CSPP1: variants seen among roughly 807,000 people sequenced by gnomAD.
The protein encoded by CSPP1 is centrosome and spindle pole associated protein 1.
In CSPP1, 126 loss-of-function variants were observed where a neutral mutation model predicts 164.4. The observed-to-expected ratio is 0.77, with a 90% CI of 0.66 to 0.89. The LOEUF (loss-of-function observed/expected upper bound fraction) is 0.89, where lower values mean the gene tolerates loss of function less well. Among genes scored for constraint, CSPP1 ranks in the 40% least tolerant of loss-of-function variants. The probability of loss-of-function intolerance (pLI) is 0.00; values close to 1 mark genes in which losing one functional copy is unlikely to be tolerated. For missense variants in CSPP1, 1,395 were observed against 1,449.8 expected (o/e 0.96, Z 0.61); for synonymous variants, 472 against 476.7 (o/e 0.99, Z 0.13).
At chr8:67,131,021 G>C (rs985043151) in intron 15 of CSPP1, among the ~76,000 whole-genome samples, 9 of 152,024 alleles carry the variant, frequency 5.9e-5, no homozygotes, top group African/African-American at 2.2e-4. Context: ...TATAAAATCA[G>C]TATTTGAATT....
intron 26 of CSPP1, among the ~76,000 whole-genome samples, chr8:67,176,236 T>C (rs1322445316): frequency 6.6e-6 from 1 of 152,046 alleles, no homozygotes; most frequent in Non-Finnish European, 1.5e-5. Context: ...AAATGAGTAA[T>C]GAAAACCCAA....
chr8:67,079,891 C>CA (rs1808785214), intron 3 of CSPP1, among the ~76,000 whole-genome samples: 1 of 152,204 alleles, frequency 6.6e-6, no homozygotes, highest in Non-Finnish European at 1.5e-5. Context: ...TGTTTTAAAC[C>CA]AACGGGTTAA....
At chr8:67,158,959 A>G in intron 20 of CSPP1, 32 bp from the exon 21 acceptor site, 1 of 1,528,164 alleles carries the variant, frequency 6.5e-7, no homozygotes, top group Non-Finnish European at 8.9e-7. Context: ...GAAGGAATAT[A>G]TGGAATGCAT....
At chr8:67,101,952 A>T (rs1814214230) in intron 7 of CSPP1, among the ~76,000 whole-genome samples, 1 of 152,218 alleles carries the variant, frequency 6.6e-6, no homozygotes, top group Admixed American at 6.5e-5. Context: ...ATTTTCACGG[A>T]TGCCAATAAG....
At position 67,064,495 on chromosome 8, in the gene CSPP1, G is replaced by A. The variant is rs1313866790; in HGVS notation, c.-54G>A. On this transcript the variant is annotated 5_prime_UTR_variant, in exon 1 of 31. Transcript: ENST00000678616. ...TCCCCGGACGCGAGCCCGCTCCCCTGAGTAAGAGTCAGCCAGCCGCGGATG... is the reference window on the plus strand; with the variant it reads ...TCCCCGGACGCGAGCCCGCTCCCCTAAGTAAGAGTCAGCCAGCCGCGGATG... 1 of 1,613,608 alleles carries A rather than the reference G, an allele frequency of 6.2e-7. No homozygotes were observed. Among genetic ancestry groups the A allele is most frequent in the Non-Finnish European group, 8.5e-7 (1 of 1,179,884 alleles).
At chr8:67,177,585 G>A (rs1831999744) in intron 26 of CSPP1, 95 bp from the exon 27 acceptor site, 2 of 764,470 alleles carry the variant, frequency 2.6e-6, no homozygotes, top group Non-Finnish European at 4.5e-6. Flanking sequence ...GTAATTTCCA[G>A]TAGAGAGCTA....
rs1396391074 is a variant in CSPP1, at chr8:67,095,551, A to G, written c.742A>G (p.Arg248Gly). ...EVGISNLKHQ[R>G]FASKAGIPDR... The stretch of plus-strand genomic sequence containing the variant: ...GGGCATTTCCAACCTAAAACATCAA[A>G]GGTTTGCAAGCAAGGCTGGCATTCC... The change falls in exon 7 of 31, where the codon AGG becomes GGG. Residue 248 changes from arginine (R) to glycine (G), a missense_variant. By Grantham distance (125) the Arg-to-Gly change is moderately radical (BLOSUM62 -2). Coordinates refer to ENST00000678616, the MANE Select transcript of CSPP1 (RefSeq NM_001382391.1). 1 of 1,613,914 alleles carries G rather than the reference A, an allele frequency of 6.2e-7. No individual in the cohort carries two copies. The highest frequency in any genetic ancestry group is 1.7e-5 in the Admixed American group (1 of 59,996).
intron 3 of CSPP1, among the ~76,000 whole-genome samples, chr8:67,078,858 A>G (rs1808518185): frequency 6.6e-6 from 1 of 152,092 alleles, no homozygotes; most frequent in African/African-American, 2.4e-5. Context: ...CTATAATCCT[A>G]GCTACTTGGG....
intron 15 of CSPP1, among the ~76,000 whole-genome samples, chr8:67,119,855 G>A (rs1818648184): frequency 6.6e-6 from 1 of 151,984 alleles, no homozygotes; most frequent in South Asian, 2.1e-4. Context: ...GCCTTTTGAT[G>A]CACAAAATTC....
In CSPP1 at chr8:67,195,715, T is replaced by TAAAA. The variant is rs1176090665; in HGVS notation, c.*123_*126dup. On this transcript the variant is annotated 3_prime_UTR_variant, in exon 31 of 31. Transcript: ENST00000678616. ...TTACTTTTTTTCCATCATCTGTATA[T>TAAAA]AAAATTATTTTTATCATGATGTATA... 1.4e-6 allele frequency: 1 copy of TAAAA among 696,726 alleles called. No individual in the cohort carries two copies. The highest frequency in any genetic ancestry group is 2.9e-5 in the Admixed American group (1 of 34,878). 43.2% of individuals were successfully genotyped at this position (696,726 alleles called of 1,614,324 possible).
intron 9 of CSPP1, among the ~76,000 whole-genome samples, chr8:67,110,331 T>G (rs1299076450): frequency 6.6e-6 from 1 of 152,142 alleles, no homozygotes; most frequent in South Asian, 2.1e-4. Context: ...GCTAAGGACC[T>G]CTAGAGTAGC....
intron 7 of CSPP1, among the ~76,000 whole-genome samples, chr8:67,099,763 A>G (rs1485096229): frequency 6.6e-6 from 1 of 152,158 alleles, no homozygotes; most frequent in African/African-American, 2.4e-5. Flanking sequence ...TGCTAAATTT[A>G]TTAGAAATAT....
chr8:67,091,214 G>A (rs907212907), intron 4 of CSPP1, among the ~76,000 whole-genome samples: 2 of 152,186 alleles, frequency 1.3e-5, no homozygotes. Context: ...CAACTGATAA[G>A]TGCTTGGGCT....
chr8:67,084,111 G>C (rs1022623170), intron 3 of CSPP1: 1 of 151,988 alleles, frequency 6.6e-6, no homozygotes, highest in African/African-American at 2.4e-5. Flanking sequence ...CTCTCCTTAG[G>C]CTTAAATTCT....
In CSPP1 at chr8:67,158,526, C is replaced by CA. The variant is rs746141672; in HGVS notation, c.2322dup (p.Glu775ArgfsTer11). 6.2e-7 allele frequency: 1 copy of CA among 1,612,132 alleles called. No individual in the cohort carries two copies. The highest frequency in any genetic ancestry group is 8.5e-7 in the Non-Finnish European group (1 of 1,178,874). ...GAAGAAAAAGAAGAAAGACGGCTTG[C>CA]AGAACAGAGGGCACGAATTCAGCAG... On this transcript the variant is annotated frameshift_variant, in exon 20 of 31. Coordinates refer to ENST00000678616, the MANE Select transcript of CSPP1 (RefSeq NM_001382391.1). LOFTEE classifies it high-confidence loss of function.
chr8:67,074,696 TAA>T (rs1005542653), intron 2 of CSPP1: 3 of 233,586 alleles, frequency 1.3e-5, no homozygotes, highest in African/African-American at 7.1e-5. Flanking sequence ...TTAATTAGTT[TAA>T]AAAGTTTTTT....
intron 7 of CSPP1, among the ~76,000 whole-genome samples, chr8:67,100,671 C>T (rs765079393): frequency 6.6e-6 from 1 of 151,128 alleles, no homozygotes; most frequent in Non-Finnish European, 1.5e-5. Flanking sequence ...CCTCTGCCTT[C>T]CAGGCTCAAA....
At chr8:67,173,062 A>G (rs1046130619) in intron 25 of CSPP1, 3 of 152,346 alleles carry the variant, frequency 2.0e-5, no homozygotes, top group African/African-American at 4.8e-5. Flanking sequence ...TAACTTTGGA[A>G]TGAGGATTGA....
chr8:67,153,074 C>A (rs935426230), intron 18 of CSPP1, among the ~76,000 whole-genome samples: 3 of 152,038 alleles, frequency 2.0e-5, no homozygotes, highest in African/African-American at 7.2e-5. Context: ...TGGTGGCACA[C>A]GCCTGTAGTC....
Sources: allele counts gnomAD v4.1 joint callset (sites outside exome capture counted in the v4.1 genomes callset), GRCh38; gene constraint gnomAD v4.1.1; transcripts MANE v1.5; gene names NCBI Gene and HGNC (gene_info 2026-07-23, HGNC 2026-07-21).